ZFHX3: variants seen among roughly 807,000 people sequenced by gnomAD.
ZFHX3 encodes zinc finger homeobox 3.
ZFHX3 carries 42 observed loss-of-function variants against 279.1 expected under a neutral mutation model. That is an observed-to-expected ratio of 0.15 (90% CI 0.12 to 0.19). The LOEUF (loss-of-function observed/expected upper bound fraction) is 0.19, where lower values mean the gene tolerates loss of function less well. Among genes scored for constraint, ZFHX3 ranks in the 10% least tolerant of loss-of-function variants. The probability of loss-of-function intolerance (pLI) is 1.00; values close to 1 mark genes in which losing one functional copy is unlikely to be tolerated. For synonymous variants in ZFHX3, 2,293 were observed against 1,957.8 expected (o/e 1.17, Z -4.52); for missense variants, 4,981 against 4,754.0 (o/e 1.05, Z -1.40).
At chr16:73,423,386 C>T (rs910842801) in intron 3 of ZFHX3, among the ~76,000 whole-genome samples, 1 of 152,160 alleles carries the variant, frequency 6.6e-6, no homozygotes, top group African/African-American at 2.4e-5. Context: ...CTCCCAGTTC[C>T]CCTTCATCCT....
In ZFHX3 at chr16:72,797,724, C is replaced by G; in HGVS notation, c.4958G>C (p.Ser1653Thr). 1 of 1,614,140 alleles carries G rather than the reference C, an allele frequency of 6.2e-7. No individual in the cohort carries two copies. Among genetic ancestry groups the G allele is most frequent in the Non-Finnish European group, 8.5e-7 (1 of 1,180,016 alleles). Residue 1653 changes from serine to threonine, a missense_variant, in exon 9 of 10, where the codon AGT becomes ACT. Coordinates refer to ENST00000268489, the MANE Select transcript of ZFHX3 (RefSeq NM_006885.4). ...SSISLSSSTPSPVSTSGSNTF... is the reference protein window; with the variant it reads ...SSISLSSSTPTPVSTSGSNTF... ...GTTACTGCCACTGGTGCTCACAGGA[C>G]TTGGCGTGGAGGAGCTCAAGGAAAT...
At chr16:73,284,010 C>A (rs1400456408) in intron 4 of ZFHX3, among the ~76,000 whole-genome samples, 2 of 151,512 alleles carry the variant, frequency 1.3e-5, no homozygotes, top group Non-Finnish European at 2.9e-5. Context: ...TGCGGATAGG[C>A]AAAGAGAAGA....
At chr16:73,575,935 C>T (rs562067770) in intron 2 of ZFHX3, among the ~76,000 whole-genome samples, 26 of 152,264 alleles carry the variant, frequency 1.7e-4, no homozygotes, top group African/African-American at 6.0e-4. Context: ...CAGGCTTTAC[C>T]ATGGGAGATG....
intron 1 of ZFHX3, among the ~76,000 whole-genome samples, chr16:73,704,758 G>A (rs1329007571): frequency 6.6e-6 from 1 of 152,226 alleles, no homozygotes; most frequent in East Asian, 1.9e-4. Context: ...AGCCAAGAAT[G>A]ATTTGTGATC....
intron 1 of ZFHX3, among the ~76,000 whole-genome samples, chr16:73,018,768 A>T (rs1357636451): frequency 6.6e-6 from 1 of 152,134 alleles, no homozygotes; most frequent in Non-Finnish European, 1.5e-5. Context: ...TATAGTCTAA[A>T]TGCTAAAACT....
intron 1 of ZFHX3, among the ~76,000 whole-genome samples, chr16:73,045,739 G>A (rs978592863): frequency 8.5e-5 from 12 of 141,150 alleles, no homozygotes; most frequent in African/African-American, 2.4e-4. Flanking sequence ...ACTGTTTTCA[G>A]GAGAAATGGA....
At chr16:73,298,566 G>A (rs1015659444) in intron 4 of ZFHX3, among the ~76,000 whole-genome samples, 33 of 150,454 alleles carry the variant, frequency 2.2e-4, no homozygotes, top group African/African-American at 7.8e-4. Context: ...ATTGTGTAGA[G>A]GGCAATAAGG....
intron 2 of ZFHX3, among the ~76,000 whole-genome samples, chr16:73,527,098 A>G (rs1405662454): frequency 6.6e-6 from 1 of 152,096 alleles, no homozygotes; most frequent in African/African-American, 2.4e-5. Flanking sequence ...CACTGATCCC[A>G]TTGGAAAAGC....
chr16:73,687,987 A>G (rs980750955), intron 1 of ZFHX3, among the ~76,000 whole-genome samples: 12 of 152,146 alleles, frequency 7.9e-5, no homozygotes, highest in Admixed American at 1.3e-4. Flanking sequence ...ACGCAAATTC[A>G]CTATAGAGCA....
chr16:73,123,633 G>A (rs896610326), intron 7 of ZFHX3: 1 of 151,992 alleles, frequency 6.6e-6, no homozygotes, highest in African/African-American at 2.4e-5. Context: ...AACAATTGTT[G>A]TTTTAAGTCT....
chr16:72,947,199 G>T (rs75077088), intron 3 of ZFHX3, among the ~76,000 whole-genome samples: 233 of 152,322 alleles, frequency 1.5e-3, no homozygotes, highest in South Asian at 0.015. Context: ...GGATGCCTCG[G>T]GCCCTGCGGC....
chr16:73,368,577 C>T (rs1287922704), intron 3 of ZFHX3, among the ~76,000 whole-genome samples: 1 of 152,164 alleles, frequency 6.6e-6, no homozygotes, highest in East Asian at 1.9e-4. Flanking sequence ...TACACTTAGA[C>T]ATAAGAAGTG....
upstream of ZFHX3, among the ~76,000 whole-genome samples, chr16:73,052,899 C>T (rs920065948): frequency 7.2e-5 from 11 of 152,100 alleles, no homozygotes; most frequent in African/African-American, 1.9e-4. Flanking sequence ...ACCTTAGCTC[C>T]GTTCTCCAGA....
intron 7 of ZFHX3, among the ~76,000 whole-genome samples, chr16:73,108,783 T>C (rs1040087733): frequency 6.6e-6 from 1 of 152,338 alleles, no homozygotes; most frequent in East Asian, 1.9e-4. Flanking sequence ...ACCTGTTGAT[T>C]AGGTCCTTTT....
At chr16:73,857,301 C>G (rs1961757747) in intron 1 of ZFHX3, among the ~76,000 whole-genome samples, 1 of 152,126 alleles carries the variant, frequency 6.6e-6, no homozygotes, top group African/African-American at 2.4e-5. Flanking sequence ...CCAAAATGTG[C>G]TGTATTACAG....
At chr16:73,091,149 T>C (rs1401329948) in intron 8 of ZFHX3, among the ~76,000 whole-genome samples, 1 of 149,464 alleles carries the variant, frequency 6.7e-6, no homozygotes, top group Non-Finnish European at 1.5e-5. Context: ...AGGTGGGGCT[T>C]GCAGTGAGTG....
In ZFHX3 at chr16:73,173,007, TG is replaced by T. The variant is rs1355459073; in HGVS notation, c.-1103-29177del. 5.0e-3 allele frequency among the ~76,000 whole-genome samples: 255 copies of T among 50,526 alleles called. 11 individuals are homozygous for T. Among genetic ancestry groups the T allele is most frequent in the Non-Finnish European group, 5.6e-3 (152 of 27,200 alleles). The allele number at this position is 50,526 out of a possible 152,430, so 33.1% of individuals were successfully genotyped here. On this transcript the variant is annotated intron_variant, in intron 5 of 17. Transcript: ENST00000641206. ...GGGACTGTTTTTTTGTTTTTTTTTT[TG>T]TTTTTTTTTTTTTTTTTTGGGAGGG...
intron 2 of ZFHX3, among the ~76,000 whole-genome samples, chr16:73,530,635 A>T (rs909358131): frequency 6.6e-6 from 1 of 152,144 alleles, no homozygotes; most frequent in Non-Finnish European, 1.5e-5. Context: ...CTATGATTTT[A>T]ACCCTATCAA....
intron 7 of ZFHX3, among the ~76,000 whole-genome samples, chr16:73,125,571 G>A (rs1460441580): frequency 3.3e-5 from 5 of 152,056 alleles, no homozygotes; most frequent in Non-Finnish European, 7.4e-5. Context: ...AGTGCAGCTA[G>A]AATATAAGCA....
Sources: gnomAD v4.1 joint callset for allele counts (sites outside exome capture counted in the v4.1 genomes callset) on GRCh38, gnomAD v4.1.1 for gene constraint, MANE v1.5 for transcripts, NCBI Gene and HGNC (gene_info 2026-07-23, HGNC 2026-07-21) for gene names.